SNX29: variants seen among roughly 807,000 people sequenced by gnomAD.
SNX29 encodes the protein sorting nexin 29.
SNX29 carries 78 observed loss-of-function variants against 102.1 expected under a neutral mutation model. The ratio of observed to expected loss-of-function variants is 0.76; its 90% confidence interval spans 0.64 to 0.92. The LOEUF is 0.92. Among genes scored for constraint, SNX29 ranks in the 40% least tolerant of loss-of-function variants. The pLI is 0.00. For synonymous variants in SNX29, 580 were observed against 414.5 expected (o/e 1.40, Z -4.85); for missense variants, 1,280 against 1,061.7 (o/e 1.21, Z -2.86).
intron 20 of SNX29, among the ~76,000 whole-genome samples, chr16:12,555,077 G>A (rs141175186): frequency 2.1e-4 from 32 of 151,808 alleles, no homozygotes; most frequent in African/African-American, 6.8e-4. Context: ...GTGGGGAGGT[G>A]GAGGAAAAGT....
At position 12,571,674 on chromosome 16, in the gene SNX29, A is replaced by G. The variant is rs978223634; in HGVS notation, c.*3045A>G. Reference sequence around the variant, plus strand: ...ACTCAGGAACGGTAGGGCTGGGCAGAGGTGTCTCTCCTTGAGAGACAACAA... The same window carrying G: ...ACTCAGGAACGGTAGGGCTGGGCAGGGGTGTCTCTCCTTGAGAGACAACAA... On this transcript the variant is annotated 3_prime_UTR_variant, in exon 21 of 21. Coordinates refer to ENST00000566228, the MANE Select transcript of SNX29 (RefSeq NM_032167.5). The G allele has an allele frequency of 9.4e-7, 1 of 1,059,334 alleles. No individual in the cohort carries two copies. The highest frequency in any genetic ancestry group is 1.6e-5 in the African/African-American group (1 of 60,756). 65.6% of individuals were successfully genotyped at this position (1,059,334 alleles called of 1,614,324 possible).
At chr16:12,055,660 G>A (rs116571444) in intron 8 of SNX29, among the ~76,000 whole-genome samples, 1,972 of 152,264 alleles carry the variant, frequency 0.013, 41 homozygotes, top group African/African-American at 0.045. Flanking sequence ...CAATCTGCTG[G>A]CAGAATTTCT....
At chr16:12,138,813 G>C (rs350276) in intron 13 of SNX29, among the ~76,000 whole-genome samples, 50 of 151,934 alleles carry the variant, frequency 3.3e-4, no homozygotes, top group African/African-American at 1.1e-3. Flanking sequence ...AAAGGCACCA[G>C]AGCTGCCTCT....
Position 11,976,739 on chromosome 16 carries a change from G to GAGCTCGGCAGCCGCAGAAGCGGC in SNX29, c.-64_-42dup. Reference sequence around the variant, plus strand: ...GGGCTCCTGTCTCCCGGCCTGTCTGGAGCTCGGCAGCCGCAGAAGCGGCAG... The same window carrying GAGCTCGGCAGCCGCAGAAGCGGC: ...GGGCTCCTGTCTCCCGGCCTGTCTGGAGCTCGGCAGCCGCAGAAGCGGCAGCTCGGCAGCCGCAGAAGCGGCAG... On this transcript the variant is annotated 5_prime_UTR_variant, in exon 1 of 21. Coordinates refer to ENST00000566228, the MANE Select transcript of SNX29 (RefSeq NM_032167.5). 1 of 1,202,020 alleles carries GAGCTCGGCAGCCGCAGAAGCGGC rather than the reference G, an allele frequency of 8.3e-7. No individual in the cohort carries two copies. Among genetic ancestry groups the GAGCTCGGCAGCCGCAGAAGCGGC allele is most frequent in the South Asian group, 2.4e-5 (1 of 42,338 alleles). 74.5% of individuals were successfully genotyped at this position (1,202,020 alleles called of 1,614,324 possible). A position where few individuals can be genotyped will look rare whatever the true frequency, so the allele number is the denominator to read the frequency against.
At chr16:12,562,805 A>G (rs972102188) in intron 20 of SNX29, among the ~76,000 whole-genome samples, 10 of 151,750 alleles carry the variant, frequency 6.6e-5, no homozygotes, top group African/African-American at 2.2e-4. Flanking sequence ...ATGTGGAACA[A>G]CTCCTTTCCC....
At chr16:12,265,511 G>A (rs2078900884) in intron 14 of SNX29, among the ~76,000 whole-genome samples, 1 of 152,038 alleles carries the variant, frequency 6.6e-6, no homozygotes, top group African/African-American at 2.4e-5. Flanking sequence ...TTAATGGACA[G>A]GTGTTCTGAT....
At chr16:12,417,029 C>A (rs8062594) in intron 18 of SNX29, among the ~76,000 whole-genome samples, 85,483 of 152,114 alleles carry the variant, frequency 0.56, 24,566 homozygotes, top group Non-Finnish European at 0.63. Flanking sequence ...GGCACTGCGC[C>A]TAGTGAGATA....
At chr16:12,554,692 C>A (rs1045626262) in intron 20 of SNX29, among the ~76,000 whole-genome samples, 7 of 152,148 alleles carry the variant, frequency 4.6e-5, no homozygotes, top group African/African-American at 1.7e-4. Context: ...TCTCAGCATC[C>A]CTGCCCATGC....
intron 15 of SNX29, among the ~76,000 whole-genome samples, chr16:12,286,615 G>A (rs576868013): frequency 3.9e-5 from 6 of 152,206 alleles, no homozygotes; most frequent in African/African-American, 1.4e-4. Context: ...AAAGTGCTGG[G>A]ATTACAGGTG....
intron 20 of SNX29, among the ~76,000 whole-genome samples, chr16:12,528,721 C>G (rs959530299): frequency 5.9e-5 from 9 of 152,244 alleles, no homozygotes; most frequent in African/African-American, 1.9e-4. Context: ...CTCTTCTCCA[C>G]TGCTCCCACG....
At chr16:12,242,158 G>A (rs1020854956) in intron 14 of SNX29, among the ~76,000 whole-genome samples, 1 of 152,088 alleles carries the variant, frequency 6.6e-6, no homozygotes, top group African/African-American at 2.4e-5. Context: ...GAAGTTGGGT[G>A]TATGGGGGTT....
intron 16 of SNX29, among the ~76,000 whole-genome samples, chr16:12,377,807 C>T (rs181114603): frequency 1.3e-5 from 2 of 152,132 alleles, no homozygotes; most frequent in Admixed American, 1.3e-4. Context: ...GTTGTAGGTA[C>T]CGTGCTTTGA....
At chr16:12,203,162 C>T (rs1174683959) in intron 14 of SNX29, among the ~76,000 whole-genome samples, 1 of 144,508 alleles carries the variant, frequency 6.9e-6, no homozygotes. Flanking sequence ...ATCGTGGCCC[C>T]ACTCTCAGGT....
intron 20 of SNX29, among the ~76,000 whole-genome samples, chr16:12,542,541 A>T (rs1266517796): frequency 6.6e-6 from 1 of 152,202 alleles, no homozygotes; most frequent in East Asian, 1.9e-4. Context: ...CACGTTGGCC[A>T]GGCTGATCTT....
chr16:12,371,354 A>G (rs1473026284), intron 16 of SNX29, among the ~76,000 whole-genome samples: 1 of 151,766 alleles, frequency 6.6e-6, no homozygotes, highest in Non-Finnish European at 1.5e-5. Context: ...GCTGGAGGGC[A>G]GTGGTGTACT....
At chr16:12,206,577 C>A (rs1453971170) in intron 14 of SNX29, among the ~76,000 whole-genome samples, 2 of 152,084 alleles carry the variant, frequency 1.3e-5, no homozygotes, top group Admixed American at 1.3e-4. Flanking sequence ...GTGCTGGCCG[C>A]CTTCTCAGCC....
At chr16:12,462,679 A>G (rs1408115963) in intron 18 of SNX29, among the ~76,000 whole-genome samples, 1 of 152,186 alleles carries the variant, frequency 6.6e-6, no homozygotes, top group Non-Finnish European at 1.5e-5. Context: ...AGAATAAACA[A>G]GGGTCCAGCT....
chr16:12,064,163 G>T (rs1256477365), intron 9 of SNX29, among the ~76,000 whole-genome samples: 3 of 149,380 alleles, frequency 2.0e-5, no homozygotes, highest in Non-Finnish European at 4.4e-5. Flanking sequence ...GATTGTTTTG[G>T]CAGCTCCTTT....
chr16:12,197,380 G>T lies in SNX29; in HGVS notation c.1596-2221G>T, dbSNP rs893648830. On this transcript the variant is annotated intron_variant, in intron 13 of 20. Transcript: ENST00000566228. ...AGGTCAGGAGTTCAAGACCAGCCTG[G>T]CCAACATGGTGAAACCCCCATCTCT... 5.3e-5 allele frequency among the ~76,000 whole-genome samples: 8 copies of T among 152,146 alleles called. No homozygotes were observed. The East Asian group carries it at 9.7e-4, about 18-fold the overall frequency.
Sources: allele counts gnomAD v4.1 joint callset (sites outside exome capture counted in the v4.1 genomes callset), GRCh38; gene constraint gnomAD v4.1.1; transcripts MANE v1.5; gene names NCBI Gene and HGNC (gene_info 2026-07-23, HGNC 2026-07-21).